GOLM2: variants seen among roughly 807,000 people sequenced by gnomAD.
The protein encoded by GOLM2 is protein GOLM2.
GOLM2 carries 26 observed loss-of-function variants against 55.9 expected under a neutral mutation model. The ratio of observed to expected loss-of-function variants is 0.47; its 90% CI spans 0.34 to 0.65. The LOEUF (loss-of-function observed/expected upper bound fraction) is 0.65, where lower values mean the gene tolerates loss of function less well. Ranked by LOEUF, GOLM2 falls within the 30% of genes least tolerant of loss-of-function variation. The pLI is 0.01. For synonymous variants in GOLM2, 165 were observed against 194.6 expected (o/e 0.85, Z 1.27); for missense variants, 486 against 531.8 (o/e 0.91, Z 0.85).
intron 6 of GOLM2, among the ~76,000 whole-genome samples, chr15:44,369,120 C>A (rs143787753): frequency 1.5e-5 from 1 of 66,234 alleles, no homozygotes; most frequent in Admixed American, 1.9e-4. Context: ...TATATATACC[C>A]GGCTACCACA....
At chr15:44,404,588 T>C (rs1595669663) in intron 9 of GOLM2, among the ~76,000 whole-genome samples, 1 of 152,166 alleles carries the variant, frequency 6.6e-6, no homozygotes, top group South Asian at 2.1e-4. Context: ...GCTTTTGTGA[T>C]TTGTTTGGAT....
rs548412853 is a variant in GOLM2 at position 44,397,262 on chromosome 15, G to A, written c.1073-5625G>A. ...TGGGAGGCCGAGGCAGGCCGATCAC[G>A]AGGTCAGGAGATCAAGATCATCCTG... On this transcript the variant is annotated intron_variant, in intron 8 of 9. Transcript: ENST00000299957. 2.9e-3 allele frequency among the ~76,000 whole-genome samples: 444 copies of A among 151,926 alleles called. 3 individuals are homozygous for A. The highest frequency in any genetic ancestry group is 0.01 in the African/African-American group (421 of 41,454).
intron 9 of GOLM2, among the ~76,000 whole-genome samples, chr15:44,410,483 G>A (rs1192840629): frequency 6.6e-6 from 1 of 152,082 alleles, no homozygotes; most frequent in South Asian, 2.1e-4. Context: ...TAATTGATTA[G>A]CATGTATATA....
intron 9 of GOLM2, among the ~76,000 whole-genome samples, chr15:44,405,844 A>T (rs1186817376): frequency 6.6e-6 from 1 of 151,172 alleles, no homozygotes. Flanking sequence ...CTGGCCTCGA[A>T]CTCCTGACCT....
At chr15:44,407,742 C>A (rs1159541278) in intron 9 of GOLM2, among the ~76,000 whole-genome samples, 1 of 151,766 alleles carries the variant, frequency 6.6e-6, no homozygotes, top group Non-Finnish European at 1.5e-5. Flanking sequence ...AGCCACTGCA[C>A]CCAGGCGATA....
At chr15:44,409,356 G>A (rs184747873) in intron 9 of GOLM2, among the ~76,000 whole-genome samples, 9 of 149,920 alleles carry the variant, frequency 6.0e-5, no homozygotes, top group African/African-American at 2.2e-4. Flanking sequence ...GGAGGCCGAG[G>A]CGGGTGGATC....
intron 8 of GOLM2, chr15:44,390,186 T>C (rs2079477958): frequency 6.6e-6 from 1 of 152,228 alleles, no homozygotes; most frequent in Non-Finnish European, 1.5e-5. Flanking sequence ...ATTTAAACTT[T>C]AGAATGTAGG....
intron 1 of GOLM2, among the ~76,000 whole-genome samples, chr15:44,298,297 C>T (rs1341408201): frequency 1.5e-5 from 2 of 133,588 alleles, no homozygotes; most frequent in Non-Finnish European, 3.2e-5. Context: ...GAGTTTTGCT[C>T]TTGTCGCCCA....
At chr15:44,411,570 G>C (rs920660113) in intron 9 of GOLM2, among the ~76,000 whole-genome samples, 2 of 152,040 alleles carry the variant, frequency 1.3e-5, no homozygotes, top group African/African-American at 2.4e-5. Context: ...CGCCAGGCGC[G>C]GTGGCTTATG....
chr15:44,382,033 AT>A (rs1354981620), intron 8 of GOLM2: 7 of 152,146 alleles, frequency 4.6e-5, no homozygotes, highest in African/African-American at 1.7e-4. Context: ...CATTAATTTA[AT>A]TGGCTTTCCT....
intron 6 of GOLM2, chr15:44,348,900 C>T (rs960039540): frequency 2.0e-4 from 30 of 148,682 alleles, no homozygotes; most frequent in African/African-American, 7.2e-4. Flanking sequence ...GACCTTGTCT[C>T]AAAAAAAGAA....
chr15:44,292,999 G>T (rs1012174849), intron 1 of GOLM2, among the ~76,000 whole-genome samples: 2 of 152,104 alleles, frequency 1.3e-5, no homozygotes, highest in African/African-American at 4.8e-5. Context: ...TTTTTTGGTA[G>T]AGATGAGGGT....
At chr15:44,333,606 A>T (rs915803116) in intron 4 of GOLM2, among the ~76,000 whole-genome samples, 4 of 152,164 alleles carry the variant, frequency 2.6e-5, no homozygotes, top group African/African-American at 9.7e-5. Flanking sequence ...GAGACACTGG[A>T]GGGTCAAAAG....
At position 44,402,924 on chromosome 15, in the gene GOLM2, G is replaced by A. The variant is rs370148920; in HGVS notation, c.1110G>A (p.Pro370=). The stretch of plus-strand genomic sequence containing the variant: ...ATGAAAATGAATCCCCTGTTGATCC[G>A]CAGCATGGCTCTAAACTGGCGGATT... ...FFDENESPVD[P]QHGSKLADYN... The change falls in exon 9 of 10, where the codon CCG becomes CCA. Residue 370 remains proline (P), a synonymous_variant. Transcript: ENST00000299957. 64 of 1,613,806 alleles carry A rather than the reference G, an allele frequency of 4.0e-5. No individual in the cohort carries two copies. The highest frequency in any genetic ancestry group is 8.0e-5 in the African/African-American group (6 of 74,868).
chr15:44,334,493 T>C (rs536838565), intron 4 of GOLM2, among the ~76,000 whole-genome samples: 1 of 152,372 alleles, frequency 6.6e-6, no homozygotes, highest in East Asian at 1.9e-4. Context: ...GCAGGCTGAA[T>C]TCAGCTTGCT....
chr15:44,367,422 A>T (rs187827664), intron 6 of GOLM2, among the ~76,000 whole-genome samples: 39 of 152,186 alleles, frequency 2.6e-4, no homozygotes, highest in Non-Finnish European at 7.4e-5. Context: ...TCTTTATTTT[A>T]TTCTCATTTT....
chr15:44,314,734 G>A (rs565077627), intron 1 of GOLM2, among the ~76,000 whole-genome samples: 38 of 152,236 alleles, frequency 2.5e-4, no homozygotes, highest in Non-Finnish European at 2.9e-4. Context: ...TCACCTACCA[G>A]GTCTAGTATA....
chr15:44,329,946 T>C (rs1445302105), intron 3 of GOLM2, among the ~76,000 whole-genome samples: 1 of 148,142 alleles, frequency 6.8e-6, no homozygotes, highest in Non-Finnish European at 1.5e-5. Flanking sequence ...TCTCTCGCTC[T>C]GTCGCCCAGG....
intron 9 of GOLM2, among the ~76,000 whole-genome samples, chr15:44,408,912 C>G (rs1413174814): frequency 6.6e-6 from 1 of 151,910 alleles, no homozygotes; most frequent in Non-Finnish European, 1.5e-5. Flanking sequence ...TGCAGTGAGC[C>G]GAGATCGCCT....
Sources: gnomAD v4.1 joint callset for allele counts (sites outside exome capture counted in the v4.1 genomes callset) on GRCh38, gnomAD v4.1.1 for gene constraint, MANE v1.5 for transcripts, NCBI Gene and HGNC (gene_info 2026-07-23, HGNC 2026-07-21) for gene names.